Variants in TCP11L2 observed in about 807,000 individuals in gnomAD.
TCP11L2 encodes the protein t-complex 11 like 2, also known as T-complex protein 11-like protein 2.
In TCP11L2, 39 loss-of-function variants were observed where a neutral mutation model predicts 50.7. The ratio of observed to expected loss-of-function variants is 0.77; its 90% CI spans 0.60 to 1.01. TCP11L2 has a LOEUF of 1.01. Among genes scored for constraint, TCP11L2 ranks in the 50% least tolerant of loss-of-function variants. The pLI, the probability that TCP11L2 is intolerant of heterozygous loss-of-function variation, is 0.00. For missense variants in TCP11L2, 612 were observed against 614.7 expected (o/e 1.00, Z 0.05); for synonymous variants, 192 against 219.3 (o/e 0.88, Z 1.10).
In TCP11L2 at chr12:106,318,374, C is replaced by G; in HGVS notation, c.324C>G (p.His108Gln). Residue 108 changes from histidine (H) to glutamine (Q), a missense_variant, in exon 4 of 10, where the codon CAC becomes CAG. By Grantham distance (24) the His-to-Gln change is conservative. Coordinates refer to ENST00000299045, the MANE Select transcript of TCP11L2 (RefSeq NM_152772.3). ...SLAGRVKHIV[H>Q]QAFWDVLDSE... Reference sequence around the variant, plus strand: ...CTGGTCGAGTGAAGCACATTGTTCACCAGGCCTTCTGGGACGTCTTGGATT... The same window carrying G: ...CTGGTCGAGTGAAGCACATTGTTCAGCAGGCCTTCTGGGACGTCTTGGATT... 6.2e-7 allele frequency: 1 copy of G among 1,613,946 alleles called. No homozygotes were observed. Among genetic ancestry groups the G allele is most frequent in the Non-Finnish European group, 8.5e-7 (1 of 1,179,888 alleles).
intron 4 of TCP11L2, among the ~76,000 whole-genome samples, chr12:106,320,685 C>T (rs2035303612): frequency 6.6e-6 from 1 of 152,194 alleles, no homozygotes; most frequent in South Asian, 2.1e-4. Flanking sequence ...CTGCCACTTG[C>T]AACCCTGAAC....
intron 3 of TCP11L2, 89 bp from the exon 4 acceptor site, chr12:106,318,255 T>C (rs1007595228): frequency 2.8e-6 from 4 of 1,450,612 alleles, no homozygotes; most frequent in Non-Finnish European, 3.7e-6. Flanking sequence ...TTTTTTACAT[T>C]TTATAAGATT....
intron 6 of TCP11L2, among the ~76,000 whole-genome samples, chr12:106,332,621 T>C (rs2035785671): frequency 6.6e-6 from 1 of 152,224 alleles, no homozygotes; most frequent in South Asian, 2.1e-4. Flanking sequence ...TTCACAGTTC[T>C]CAAGGCTGAA....
intron 6 of TCP11L2, 108 bp downstream of exon 6, chr12:106,323,754 A>AAG: frequency 2.2e-6 from 1 of 456,266 alleles, no homozygotes; most frequent in Non-Finnish European, 3.3e-6. Context: ...TAATAAATAA[A>AAG]TAAAATTTAA....
chr12:106,341,055 T>C (rs1448307506), intron 9 of TCP11L2, 57 bp downstream of exon 9: 12 of 1,462,236 alleles, frequency 8.2e-6, no homozygotes, highest in Non-Finnish European at 1.1e-5. Flanking sequence ...TTGCTGATTT[T>C]GACTAACATT....
At chr12:106,300,172 G>GA, upstream of TCP11L2, among the ~76,000 whole-genome samples, 1 of 143,808 alleles carries the variant, frequency 7.0e-6, no homozygotes, top group African/African-American at 2.5e-5. Flanking sequence ...AGATTTTGTT[G>GA]TTTTTTTTTT....
At chr12:106,318,611 C>T (rs1209434911) in intron 4 of TCP11L2, 147 bp downstream of exon 4, 2 of 950,718 alleles carry the variant, frequency 2.1e-6, no homozygotes, top group Non-Finnish European at 3.0e-6. Context: ...AAAGCACCAC[C>T]AGATTCGGCA....
chr12:106,314,545 G>A (rs777075713), intron 3 of TCP11L2, 52 bp downstream of exon 3: 7 of 702,206 alleles, frequency 1.0e-5, no homozygotes, highest in South Asian at 1.9e-5. Flanking sequence ...CTGTGTGTGT[G>A]TGTGTGTGTG....
At chr12:106,323,739 TAAA>T in intron 6 of TCP11L2, 93 bp downstream of exon 6, 1 of 413,954 alleles carries the variant, frequency 2.4e-6, no homozygotes, top group Non-Finnish European at 3.7e-6. Context: ...TAAATTAAAT[TAAA>T]TTAATAAATA....
chr12:106,313,022 C>T (rs1403424672), intron 2 of TCP11L2, among the ~76,000 whole-genome samples: 1 of 152,200 alleles, frequency 6.6e-6, no homozygotes, highest in African/African-American at 2.4e-5. Context: ...TTAGTATAAT[C>T]TTTAGAAATA....
chr12:106,314,485 A>G lies in TCP11L2; in HGVS notation c.285A>G (p.Pro95=), dbSNP rs1265067441. 1 of 1,611,488 alleles carries G rather than the reference A, an allele frequency of 6.2e-7. No homozygotes were observed. The highest frequency in any genetic ancestry group is 8.5e-7 in the Non-Finnish European group (1 of 1,178,508). The change falls in exon 3 of 10, where the codon CCA becomes CCG. Residue 95 remains proline, a synonymous_variant. Coordinates refer to ENST00000299045, the MANE Select transcript of TCP11L2 (RefSeq NM_152772.3). ...TTCAATTGAAACAAGAGGCTCTCCC[A>G]GAAAAGAGGTAACCTGGGGGCATTT... ...ENFQLKQEAL[P]EKSLAGRVKH... is the part of the protein sequence containing the mutation.
intron 1 of TCP11L2, among the ~76,000 whole-genome samples, chr12:106,306,043 G>C (rs1009151810): frequency 6.6e-6 from 1 of 152,280 alleles, no homozygotes; most frequent in African/African-American, 2.4e-5. Flanking sequence ...CCTATTTCCT[G>C]TTTTATTCTT....
upstream of TCP11L2, among the ~76,000 whole-genome samples, chr12:106,302,479 T>A (rs1220811260): frequency 6.7e-6 from 1 of 148,172 alleles, no homozygotes; most frequent in Non-Finnish European, 1.5e-5. Flanking sequence ...GGCGCTCCCG[T>A]CGGCTCGGCG....
chr12:106,346,269 CT>C lies in TCP11L2; in HGVS notation c.1316-10del, dbSNP rs765709291. 2.6e-5 allele frequency: 41 copies of C among 1,585,138 alleles called. No homozygotes were observed. The highest frequency in any genetic ancestry group is 9.0e-5 in the East Asian group (4 of 44,510). On this transcript the variant is annotated splice_polypyrimidine_tract_variant and intron_variant, in intron 9 of 9. Coordinates refer to ENST00000299045, the MANE Select transcript of TCP11L2 (RefSeq NM_152772.3). ...TTTAATAATGGACAGATAAAAGTAT[CT>C]TTTTTTCCCCTTCAGATAAACGAAT...
At chr12:106,304,719 T>C (rs2034560765) in intron 1 of TCP11L2, among the ~76,000 whole-genome samples, 1 of 152,254 alleles carries the variant, frequency 6.6e-6, no homozygotes, top group South Asian at 2.1e-4. Flanking sequence ...CTTAACTGGA[T>C]GGGTTCAATT....
At chr12:106,301,671 G>A (rs527484526), upstream of TCP11L2, among the ~76,000 whole-genome samples, 1 of 152,350 alleles carries the variant, frequency 6.6e-6, no homozygotes, top group Admixed American at 6.5e-5. Flanking sequence ...CTTCATGTAA[G>A]TAGTTCCTGC....
chr12:106,344,426 T>C (rs929279475), intron 9 of TCP11L2, among the ~76,000 whole-genome samples: 3 of 152,146 alleles, frequency 2.0e-5, no homozygotes, highest in East Asian at 1.9e-4. Context: ...GGCAATCATA[T>C]GTCACGATAG....
intron 1 of TCP11L2, among the ~76,000 whole-genome samples, chr12:106,305,833 C>T (rs565467805): frequency 6.6e-6 from 1 of 152,092 alleles, no homozygotes; most frequent in East Asian, 1.9e-4. Context: ...ATGAGTGCCC[C>T]GAAATAGGAA....
intron 6 of TCP11L2, among the ~76,000 whole-genome samples, chr12:106,333,658 T>C (rs777314511): frequency 6.6e-6 from 1 of 152,150 alleles, no homozygotes; most frequent in Non-Finnish European, 1.5e-5. Context: ...CATATTTATA[T>C]ATGTGAAAAA....
Sources: gnomAD v4.1 joint callset for allele counts (sites outside exome capture counted in the v4.1 genomes callset) on GRCh38, gnomAD v4.1.1 for gene constraint, MANE v1.5 for transcripts, NCBI Gene and HGNC (gene_info 2026-07-23, HGNC 2026-07-21) for gene names.